The following FAM81B variants were observed in gnomAD, a reference collection of about 807,000 sequenced individuals.
FAM81B encodes the protein family with sequence similarity 81 member B, also known as protein FAM81B.
FAM81B carries 60 observed loss-of-function variants against 58.7 expected under a neutral mutation model. That is an observed-to-expected ratio of 1.02 (90% CI 0.83 to 1.27). The LOEUF is 1.27. FAM81B is among the 50% of genes most tolerant of loss of function. The probability of loss-of-function intolerance (pLI) is 0.00; values close to 1 mark genes in which losing one functional copy is unlikely to be tolerated. For missense variants in FAM81B, 491 were observed against 522.0 expected (o/e 0.94, Z 0.58); for synonymous variants, 189 against 179.6 (o/e 1.05, Z -0.42).
intron 3 of FAM81B, among the ~76,000 whole-genome samples, chr5:95,400,318 T>C (rs1762072497): frequency 6.6e-6 from 1 of 152,082 alleles, no homozygotes; most frequent in East Asian, 1.9e-4. Flanking sequence ...TGGCACTCCT[T>C]GGCTTGTAGA....
intron 4 of FAM81B, among the ~76,000 whole-genome samples, chr5:95,419,505 T>C (rs867724510): frequency 2.6e-5 from 4 of 152,284 alleles, no homozygotes; most frequent in Middle Eastern, 6.8e-3. Flanking sequence ...TTTTTTTCTA[T>C]GGACAAGCAG....
At chr5:95,392,348 T>C (rs1443397209) in intron 1 of FAM81B, among the ~76,000 whole-genome samples, 1 of 151,906 alleles carries the variant, frequency 6.6e-6, no homozygotes, top group African/African-American at 2.4e-5. Flanking sequence ...CACTGGGGCC[T>C]GTTGGGGGTT....
At chr5:95,444,708 T>C (rs1745489174) in intron 7 of FAM81B, among the ~76,000 whole-genome samples, 5 of 152,164 alleles carry the variant, frequency 3.3e-5, no homozygotes, top group Non-Finnish European at 7.3e-5. Context: ...AATATCACTC[T>C]GTGTCAAAAA....
chr5:95,420,166 T>G (rs1326157173), intron 4 of FAM81B, 118 bp from the exon 5 acceptor site: 1 of 1,235,140 alleles, frequency 8.1e-7, no homozygotes, highest in African/African-American at 1.5e-5. Context: ...ACTCTCTCAC[T>G]CATGCACACC....
chr5:95,435,582 G>T (rs1582822101), intron 6 of FAM81B, among the ~76,000 whole-genome samples: 1 of 152,052 alleles, frequency 6.6e-6, no homozygotes, highest in East Asian at 1.9e-4. Context: ...AAAGAGTCAA[G>T]AAAAGTCATT....
chr5:95,436,324 C>T (rs1375107335), intron 6 of FAM81B, among the ~76,000 whole-genome samples: 1 of 152,128 alleles, frequency 6.6e-6, no homozygotes, highest in Non-Finnish European at 1.5e-5. Context: ...GTGTGTTTTC[C>T]TCAGAGCCTG....
At chr5:95,397,836 A>G (rs1019541403) in intron 3 of FAM81B, among the ~76,000 whole-genome samples, 2 of 152,186 alleles carry the variant, frequency 1.3e-5, no homozygotes, top group Non-Finnish European at 2.9e-5. Context: ...CTCTCTTCGC[A>G]TCTCTCAGAA....
intron 6 of FAM81B, among the ~76,000 whole-genome samples, chr5:95,435,683 A>G (rs905859430): frequency 2.0e-5 from 3 of 152,146 alleles, no homozygotes; most frequent in African/African-American, 7.2e-5. Flanking sequence ...TACTTTCACA[A>G]TGAGTTTTAC....
intron 2 of FAM81B, among the ~76,000 whole-genome samples, chr5:95,395,436 C>T (rs1394759272): frequency 8.1e-6 from 1 of 122,778 alleles, no homozygotes; most frequent in Admixed American, 8.4e-5. Flanking sequence ...GAGCGAGACC[C>T]CGTCTCAAAA....
chr5:95,450,298 T>C lies in FAM81B; in HGVS notation c.*16T>C. 6.2e-7 allele frequency: 1 copy of C among 1,609,596 alleles called. No homozygotes were observed. Among genetic ancestry groups the C allele is most frequent in the African/African-American group, 1.3e-5 (1 of 74,708 alleles). The stretch of plus-strand genomic sequence containing the variant: ...GGAAGTATAAACCTTTTCAGTCATC[T>C]TCTTTTTCATCAGCCAATGGAGTGA... On this transcript the variant is annotated 3_prime_UTR_variant, in exon 10 of 10. Transcript: ENST00000283357.
At chr5:95,405,478 T>C (rs776914676) in intron 3 of FAM81B, among the ~76,000 whole-genome samples, 9 of 152,226 alleles carry the variant, frequency 5.9e-5, no homozygotes, top group African/African-American at 7.2e-5. Flanking sequence ...CTTTTTACGT[T>C]TTCTAGTTTT....
Position 95,414,082 on chromosome 5 carries a change from G to T in FAM81B, c.429G>T (p.Leu143=). The part of the protein sequence containing the change: ...FRIKEDISAC[L]QGTHGFRKEE... ...TCAAGGAGGACATCTCTGCTTGCCT[G>T]CAGGGGACCCATGGCTTTCGAAAAG... The change falls in exon 4 of 10, where the codon CTG becomes CTT. Residue 143 remains leucine, a synonymous_variant. Transcript: ENST00000283357. 1.2e-6 allele frequency: 2 copies of T among 1,614,090 alleles called. No homozygotes were observed. Among genetic ancestry groups the T allele is most frequent in the Non-Finnish European group, 1.7e-6 (2 of 1,180,006 alleles).
intron 6 of FAM81B, among the ~76,000 whole-genome samples, chr5:95,435,191 T>C (rs907505279): frequency 3.3e-5 from 5 of 152,254 alleles, no homozygotes. Context: ...TCACAGCCCT[T>C]GGCCAATTAT....
At chr5:95,410,129 T>C (rs12513937) in intron 3 of FAM81B, among the ~76,000 whole-genome samples, 41,334 of 152,068 alleles carry the variant, frequency 0.27, 5,859 homozygotes, top group Non-Finnish European at 0.3. Flanking sequence ...AAAGGACGGG[T>C]GGGGACAAAC....
chr5:95,397,058 T>G (rs1761982946), intron 3 of FAM81B: 1 of 152,246 alleles, frequency 6.6e-6, no homozygotes, highest in Non-Finnish European at 1.5e-5. Context: ...ACCTTGAACT[T>G]CGATTTTTTA....
In FAM81B at chr5:95,391,531, G is replaced by A. The variant is rs191657761; in HGVS notation, c.124+18G>A. 505 of 1,591,162 alleles carry A rather than the reference G, an allele frequency of 3.2e-4. No homozygotes were observed. The African/African-American group carries it at 6.0e-3, about 19-fold the overall frequency. On this transcript the variant is annotated intron_variant, in intron 1 of 9. Coordinates refer to ENST00000283357, the MANE Select transcript of FAM81B (RefSeq NM_152548.3). ...GAGTTCAGGTACTTATGGACTATTC[G>A]AGGTCTCTAAATTTCTCCTACTTCA...
intron 5 of FAM81B, among the ~76,000 whole-genome samples, chr5:95,422,482 CTTTG>C (rs1397611553): frequency 2.0e-5 from 3 of 152,142 alleles, no homozygotes; most frequent in South Asian, 2.1e-4. Context: ...AACATGGTTT[CTTTG>C]TTTGTTTCTT....
At chr5:95,433,240 C>T (rs772751320) in intron 6 of FAM81B, among the ~76,000 whole-genome samples, 10 of 146,194 alleles carry the variant, frequency 6.8e-5, no homozygotes, top group Non-Finnish European at 1.5e-4. Context: ...GGAGACCTCA[C>T]AGTCATGGTG....
intron 6 of FAM81B, among the ~76,000 whole-genome samples, chr5:95,429,533 G>A (rs1469460230): frequency 1.3e-5 from 2 of 152,186 alleles, no homozygotes; most frequent in African/African-American, 4.8e-5. Context: ...TTAATCCAGA[G>A]CAGGTGTTAC....
Sources: allele counts gnomAD v4.1 joint callset (sites outside exome capture counted in the v4.1 genomes callset), GRCh38; gene constraint gnomAD v4.1.1; transcripts MANE v1.5; gene names NCBI Gene and HGNC (gene_info 2026-07-23, HGNC 2026-07-21).